PDGFRA: variants seen among roughly 807,000 people sequenced by gnomAD.
PDGFRA encodes platelet-derived growth factor receptor alpha.
PDGFRA carries 25 observed loss-of-function variants against 121.5 expected under a neutral mutation model. The ratio of observed to expected loss-of-function variants is 0.21; its 90% CI spans 0.15 to 0.29. PDGFRA has a LOEUF of 0.29. Among genes scored for constraint, PDGFRA ranks in the 10% least tolerant of loss-of-function variants. The pLI is 1.00. For missense variants in PDGFRA, 1,008 were observed against 1,345.1 expected, an observed-to-expected ratio of 0.75 and a Z score of 3.92; for synonymous variants, 463 against 494.8, an observed-to-expected ratio of 0.94 and a Z score of 0.85.
intron 7 of PDGFRA, among the ~76,000 whole-genome samples, chr4:54,268,496 CT>C (rs1162513585): frequency 1.3e-5 from 2 of 152,218 alleles, no homozygotes; most frequent in African/African-American, 4.8e-5. Context: ...CAGCCCTATA[CT>C]TTTGTCAGAA....
chr4:54,285,135 A>G (rs969687368), intron 16 of PDGFRA, among the ~76,000 whole-genome samples: 1 of 152,104 alleles, frequency 6.6e-6, no homozygotes, highest in South Asian at 2.1e-4. Context: ...ACCTCAGGCA[A>G]TCCACCCACC....
chr4:54,272,266 C>G, intron 8 of PDGFRA, 128 bp from the exon 9 acceptor site: 1 of 913,588 alleles, frequency 1.1e-6, no homozygotes, highest in Non-Finnish European at 1.8e-6. Context: ...ACTTGTACAA[C>G]TGGTTTCAGC....
chr4:54,278,581 T>C, intron 15 of PDGFRA, 66 bp downstream of exon 15: 1 of 1,484,448 alleles, frequency 6.7e-7, no homozygotes, highest in Non-Finnish European at 9.4e-7. Context: ...GAAAGACCCA[T>C]GTCCTGATAG....
At chr4:54,258,852 G>A in intron 2 of PDGFRA, 35 bp downstream of exon 2, 1 of 1,589,500 alleles carries the variant, frequency 6.3e-7, no homozygotes, top group African/African-American at 1.3e-5. Flanking sequence ...TTCCTTGTTT[G>A]GGTGTCTTGT....
chr4:54,273,014 C>A (rs139424099), intron 9 of PDGFRA, among the ~76,000 whole-genome samples: 128 of 152,272 alleles, frequency 8.4e-4, no homozygotes, highest in Admixed American at 3.0e-3. Flanking sequence ...GACAGAGACT[C>A]CTCATCTTAA....
chr4:54,234,777 T>A (rs139261112), intron 1 of PDGFRA, among the ~76,000 whole-genome samples: 2 of 152,294 alleles, frequency 1.3e-5, no homozygotes, highest in Non-Finnish European at 2.9e-5. Flanking sequence ...TCAAGCCGAA[T>A]GCTCAAACTG....
chr4:54,293,429 CTTT>C (rs35064429), intron 22 of PDGFRA, among the ~76,000 whole-genome samples: 4 of 116,138 alleles, frequency 3.4e-5, no homozygotes, highest in Non-Finnish European at 3.3e-5. Context: ...CCTAGAATTT[CTTT>C]TTTTTTTTTT....
intron 1 of PDGFRA, among the ~76,000 whole-genome samples, chr4:54,248,922 C>T (rs1464066073): frequency 6.6e-6 from 1 of 152,166 alleles, no homozygotes; most frequent in Non-Finnish European, 1.5e-5. Context: ...TGAACAGACA[C>T]TTCTCAAAAG....
At chr4:54,242,019 C>G (rs561765691) in intron 1 of PDGFRA, among the ~76,000 whole-genome samples, 1 of 152,258 alleles carries the variant, frequency 6.6e-6, no homozygotes, top group Admixed American at 6.5e-5. Flanking sequence ...TTCCTTTTCC[C>G]TTGAAAAGGT....
At chr4:54,248,433 T>C (rs1721827499) in intron 1 of PDGFRA, among the ~76,000 whole-genome samples, 1 of 152,214 alleles carries the variant, frequency 6.6e-6, no homozygotes, top group South Asian at 2.1e-4. Flanking sequence ...CTATCTGATC[T>C]TTGACAAACC....
In PDGFRA at chr4:54,272,441, G is replaced by A. The variant is rs150577828; in HGVS notation, c.1285G>A (p.Gly429Arg). 704 of 1,613,848 alleles carry A rather than the reference G, an allele frequency of 4.4e-4. No homozygotes were observed. Among genetic ancestry groups the A allele is most frequent in the Non-Finnish European group, 5.6e-4 (660 of 1,179,838 alleles). Reference protein sequence around the residue: ...DLVDDHHGSTGGQTVRCTAEG... With the variant: ...DLVDDHHGSTRGQTVRCTAEG... ...GGTCGATGATCACCATGGCTCAACT[G>A]GGGGACAGACGGTGAGGTGCACAGC... Residue 429 changes from glycine (G) to arginine (R), a missense_variant, in exon 9 of 23, where the codon GGG becomes AGG. Transcript: ENST00000257290.
chr4:54,254,467 T>C (rs1185477747), intron 1 of PDGFRA, among the ~76,000 whole-genome samples: 1 of 152,206 alleles, frequency 6.6e-6, no homozygotes, highest in Non-Finnish European at 1.5e-5. Flanking sequence ...GGGTCCACCA[T>C]GTCTGGATGC....
intron 1 of PDGFRA, among the ~76,000 whole-genome samples, chr4:54,237,033 A>C (rs1372504112): frequency 6.6e-6 from 1 of 151,650 alleles, no homozygotes; most frequent in Non-Finnish European, 1.5e-5. Flanking sequence ...CAGTGGCGAG[A>C]TCCTGGCTCA....
chr4:54,294,658 CAA>C (rs1024480093), intron 22 of PDGFRA, among the ~76,000 whole-genome samples: 3 of 151,940 alleles, frequency 2.0e-5, no homozygotes, highest in Admixed American at 6.6e-5. Context: ...CATTTGATGT[CAA>C]GAGAGAGGGG....
At position 54,237,221 on chromosome 4, in the gene PDGFRA, C is replaced by T. The variant is rs142078001; in HGVS notation, c.-13+7806C>T. On this transcript the variant is annotated intron_variant, in intron 1 of 22. Transcript: ENST00000257290. ...CTGACCTCAAGTGATCTGCCCACCTCAGCCTTCCAAAGTGTTGGGATTACA... is the reference window on the plus strand; with the variant it reads ...CTGACCTCAAGTGATCTGCCCACCTTAGCCTTCCAAAGTGTTGGGATTACA... 7.2e-3 allele frequency among the ~76,000 whole-genome samples: 1,094 copies of T among 152,330 alleles called. 14 individuals are homozygous for T. The highest frequency in any genetic ancestry group is 0.024 in the African/African-American group (1,018 of 41,570).
At chr4:54,238,906 G>A (rs1721150391) in intron 1 of PDGFRA, among the ~76,000 whole-genome samples, 1 of 152,138 alleles carries the variant, frequency 6.6e-6, no homozygotes, top group Non-Finnish European at 1.5e-5. Flanking sequence ...TGGGAGGATG[G>A]AGGCTGCGGT....
intron 1 of PDGFRA, among the ~76,000 whole-genome samples, chr4:54,245,599 C>A (rs1262638753): frequency 6.6e-6 from 1 of 152,056 alleles, no homozygotes; most frequent in Non-Finnish European, 1.5e-5. Flanking sequence ...GTACCAGCCA[C>A]TGCAAAATCA....
intron 10 of PDGFRA, among the ~76,000 whole-genome samples, 169 bp from the exon 11 acceptor site, chr4:54,274,362 A>G (rs1723587277): frequency 6.6e-6 from 1 of 152,138 alleles, no homozygotes; most frequent in Non-Finnish European, 1.5e-5. Flanking sequence ...TCCTGGGTGT[A>G]GATGGTTTGA....
chr4:54,256,170 C>T (rs767021642), intron 1 of PDGFRA, among the ~76,000 whole-genome samples: 9 of 152,092 alleles, frequency 5.9e-5, no homozygotes, highest in Non-Finnish European at 1.0e-4. Context: ...ATTGCTTAAT[C>T]CTAGGAGTTC....
Sources: gnomAD v4.1 joint callset for allele counts (sites outside exome capture counted in the v4.1 genomes callset) on GRCh38, gnomAD v4.1.1 for gene constraint, MANE v1.5 for transcripts, NCBI Gene and HGNC (gene_info 2026-07-23, HGNC 2026-07-21) for gene names.